Variants in SH3D19 observed in about 807,000 individuals in gnomAD.
The protein encoded by SH3D19 is SH3 domain-containing protein 19.
A neutral mutation model predicts 112.1 loss-of-function variants in SH3D19; 58 were observed. That is an observed-to-expected ratio of 0.52 (90% CI 0.42 to 0.64). The LOEUF (loss-of-function observed/expected upper bound fraction) is 0.64. Ranked by LOEUF, SH3D19 falls within the 30% of genes least tolerant of loss-of-function variation. SH3D19 has a pLI of 0.00. For synonymous variants in SH3D19, 391 were observed against 448.5 expected (o/e 0.87, Z 1.62); for missense variants, 1,090 against 1,263.4 (o/e 0.86, Z 2.08).
At chr4:151,199,056 TC>T (rs1279682618) in intron 2 of SH3D19, among the ~76,000 whole-genome samples, 6 of 151,014 alleles carry the variant, frequency 4.0e-5, no homozygotes, top group Non-Finnish European at 8.8e-5. Context: ...TGGAGAACTT[TC>T]CCATTAGATA....
At chr4:151,255,282 C>T (rs1230328164) in intron 1 of SH3D19, among the ~76,000 whole-genome samples, 65 of 146,074 alleles carry the variant, frequency 4.4e-4, no homozygotes, top group Middle Eastern at 4.1e-3. Flanking sequence ...GGGCGGTTGC[C>T]GGGCAGAGGG....
At chr4:151,293,187 C>T (rs1416638747) in intron 1 of SH3D19, among the ~76,000 whole-genome samples, 1 of 151,784 alleles carries the variant, frequency 6.6e-6, no homozygotes, top group East Asian at 1.9e-4. Flanking sequence ...TAAGGGTAGA[C>T]TGGCCGGGTG....
chr4:151,220,515 T>G (rs1767854722), intron 2 of SH3D19, among the ~76,000 whole-genome samples: 2 of 152,208 alleles, frequency 1.3e-5, no homozygotes, highest in Non-Finnish European at 2.9e-5. Context: ...CAAGATCTAT[T>G]ATTTAGAGCT....
chr4:151,203,016 G>C (rs142986107), intron 2 of SH3D19, among the ~76,000 whole-genome samples: 4 of 152,270 alleles, frequency 2.6e-5, no homozygotes, highest in East Asian at 1.9e-4. Flanking sequence ...GGGATTGAAG[G>C]GGGAGAGGAG....
At chr4:151,187,276 G>A (rs1761951804) in intron 3 of SH3D19, 147 bp downstream of exon 3, 4 of 417,648 alleles carry the variant, frequency 9.6e-6, no homozygotes, top group Non-Finnish European at 1.6e-5. Flanking sequence ...AAAAGTAGCT[G>A]TTTGTCTGAA....
At chr4:151,179,149 A>G (rs1284927107) in intron 4 of SH3D19, among the ~76,000 whole-genome samples, 1 of 152,226 alleles carries the variant, frequency 6.6e-6, no homozygotes, top group Non-Finnish European at 1.5e-5. Context: ...AACTATACTC[A>G]AAAGAACATT....
chr4:151,142,408 C>A (rs1047264242), intron 12 of SH3D19, among the ~76,000 whole-genome samples: 21 of 152,198 alleles, frequency 1.4e-4, no homozygotes, highest in African/African-American at 4.8e-4. Context: ...CAGCCCCAGG[C>A]AACCAGTAGT....
At chr4:151,217,654 C>CAAA (rs1033666425) in intron 2 of SH3D19, among the ~76,000 whole-genome samples, 2 of 147,860 alleles carry the variant, frequency 1.4e-5, no homozygotes, top group African/African-American at 5.0e-5. Flanking sequence ...TGAATGAAAA[C>CAAA]AAAAAAAAAA....
At chr4:151,198,537 G>A (rs1048841944) in intron 2 of SH3D19, among the ~76,000 whole-genome samples, 2 of 149,646 alleles carry the variant, frequency 1.3e-5, no homozygotes, top group African/African-American at 4.9e-5. Flanking sequence ...TGTATCACTT[G>A]ATCAAAGGTT....
intron 1 of SH3D19, among the ~76,000 whole-genome samples, chr4:151,269,023 T>TTG (rs1203122272): frequency 6.6e-6 from 1 of 152,228 alleles, no homozygotes; most frequent in East Asian, 1.9e-4. Flanking sequence ...CATACTGACT[T>TTG]CCACAATGGT....
intron 1 of SH3D19, among the ~76,000 whole-genome samples, chr4:151,237,516 T>C (rs191218490): frequency 1.1e-4 from 14 of 127,458 alleles, no homozygotes; most frequent in African/African-American, 3.2e-4. Context: ...GCAGGAACTC[T>C]AGGTCAGACA....
intron 8 of SH3D19, among the ~76,000 whole-genome samples, chr4:151,164,481 C>G (rs991299732): frequency 4.0e-5 from 6 of 151,738 alleles, no homozygotes; most frequent in Admixed American, 1.3e-4. Flanking sequence ...TTTTGAAGTA[C>G]TTATTAAAGC....
chr4:151,157,478 T>C (rs1477878671), intron 9 of SH3D19, among the ~76,000 whole-genome samples: 1 of 150,662 alleles, frequency 6.6e-6, no homozygotes, highest in Non-Finnish European at 1.5e-5. Flanking sequence ...TGAACTCTTA[T>C]ACACTGTTAG....
intron 14 of SH3D19, 50 bp downstream of exon 14, chr4:151,137,682 T>C (rs749704378): frequency 5.5e-6 from 8 of 1,461,604 alleles, no homozygotes; most frequent in East Asian, 5.0e-5. Flanking sequence ...ACAAGTCACA[T>C]AGAACCCACT....
rs140207814 is a variant in SH3D19, at chr4:151,321,086, C to T, written c.112+4155G>A. ...GCTACATGTAACAATACAAATAAAT[C>T]TTACAAACTTAATGTTGAGTGAAAA... On this transcript the variant is annotated intron_variant, in intron 1 of 19. Transcript: ENST00000604030. 3.0e-4 allele frequency among the ~76,000 whole-genome samples: 45 copies of T among 152,240 alleles called. 1 individual carries two copies. In the East Asian group the frequency reaches 8.1e-3, roughly 27 times the overall value.
intron 1 of SH3D19, chr4:151,282,393 GA>G: frequency 6.2e-7 from 1 of 1,613,866 alleles, no homozygotes; most frequent in South Asian, 1.1e-5. Context: ...ACCGGATGGG[GA>G]AAAGTTAAGG....
At chr4:151,321,253 G>A (rs1228314557) in intron 1 of SH3D19, among the ~76,000 whole-genome samples, 1 of 151,942 alleles carries the variant, frequency 6.6e-6, no homozygotes, top group East Asian at 1.9e-4. Context: ...TCCATGAATG[G>A]GGGACTTTCA....
In SH3D19 at chr4:151,274,657, T is replaced by A. The variant is rs58063965; in HGVS notation, c.113-48571A>T. Among the ~76,000 whole-genome samples the A allele has an allele frequency of 2.7e-3, 415 of 152,336 alleles. 8 individuals carry two copies. The highest frequency in any genetic ancestry group is 0.02 in the East Asian group (102 of 5,186). Reference sequence around the variant, plus strand: ...CATGAATCCAGAGCTCCTTTCCAGCTCTGGTCTTCAGGGTTGTCCTATGGC... The same window carrying A: ...CATGAATCCAGAGCTCCTTTCCAGCACTGGTCTTCAGGGTTGTCCTATGGC... On this transcript the variant is annotated intron_variant, in intron 1 of 19. Transcript: ENST00000604030.
intron 1 of SH3D19, among the ~76,000 whole-genome samples, chr4:151,263,444 G>A (rs1292729704): frequency 6.6e-6 from 1 of 152,166 alleles, no homozygotes; most frequent in Non-Finnish European, 1.5e-5. Flanking sequence ...GGCCGGAGGA[G>A]GAGCCCCGGC....
Sources: gnomAD v4.1 joint callset for allele counts (sites outside exome capture counted in the v4.1 genomes callset) on GRCh38, gnomAD v4.1.1 for gene constraint, MANE v1.5 for transcripts, NCBI Gene and HGNC (gene_info 2026-07-23, HGNC 2026-07-21) for gene names.